Variants in ATXN7 observed in about 807,000 individuals in gnomAD.
The protein encoded by ATXN7 is ataxin-7.
ATXN7 carries 12 observed loss-of-function variants against 70.5 expected under a neutral mutation model. That is an observed-to-expected ratio of 0.17 (90% CI 0.11 to 0.28). The LOEUF is 0.28. ATXN7 is among the 10% of genes least tolerant of loss of function. ATXN7 has a pLI of 1.00. For synonymous variants in ATXN7, 498 were observed against 448.7 expected (o/e 1.11, Z -1.39); for missense variants, 1,256 against 1,131.7 (o/e 1.11, Z -1.58).
chr3:63,910,324 A>G (rs905619619), intron 2 of ATXN7, among the ~76,000 whole-genome samples: 2 of 152,222 alleles, frequency 1.3e-5, no homozygotes, highest in Non-Finnish European at 2.9e-5. Flanking sequence ...GTACTCAACA[A>G]GCAAGCTCCC....
At chr3:63,887,394 C>T (rs1006870794) in intron 1 of ATXN7, among the ~76,000 whole-genome samples, 11 of 152,156 alleles carry the variant, frequency 7.2e-5, no homozygotes, top group Non-Finnish European at 1.2e-4. Context: ...AGTGTAGAAA[C>T]TATTGCCATG....
At chr3:63,998,358 G>GTA (rs923539789) in intron 12 of ATXN7, 44 of 983,986 alleles carry the variant, frequency 4.5e-5, no homozygotes, top group South Asian at 1.4e-4. Flanking sequence ...ATGTGTGTGT[G>GTA]TATATATATA....
At chr3:63,918,275 C>G (rs148428867) in intron 4 of ATXN7, among the ~76,000 whole-genome samples, 48 of 151,784 alleles carry the variant, frequency 3.2e-4, no homozygotes, top group African/African-American at 1.1e-3. Flanking sequence ...TTTTTTCTTT[C>G]CTAGGGGAAA....
At chr3:63,925,593 T>G (rs1313882216) in intron 4 of ATXN7, among the ~76,000 whole-genome samples, 1 of 151,798 alleles carries the variant, frequency 6.6e-6, no homozygotes, top group Non-Finnish European at 1.5e-5. Context: ...ACGAAACTGG[T>G]CTCTGGTGTC....
chr3:63,982,470 T>G, intron 7 of ATXN7, 25 bp downstream of exon 7: 1 of 1,550,180 alleles, frequency 6.5e-7, no homozygotes, highest in Non-Finnish European at 8.8e-7. Context: ...TCTTTCTTCA[T>G]AATGCTTCTC....
intron 4 of ATXN7, among the ~76,000 whole-genome samples, chr3:63,916,323 C>T (rs2107307343): frequency 6.6e-6 from 1 of 152,262 alleles, no homozygotes; most frequent in South Asian, 2.1e-4. Context: ...GAAAAGGCTT[C>T]AGGGGATTGT....
intron 8 of ATXN7, among the ~76,000 whole-genome samples, 184 bp downstream of exon 8, chr3:63,983,205 C>T (rs926033095): frequency 1.3e-5 from 2 of 152,116 alleles, no homozygotes; most frequent in African/African-American, 4.8e-5. Context: ...ATGTGAAGTG[C>T]GTTGTTATAA....
chr3:63,907,186 G>A (rs1342734277), intron 2 of ATXN7, among the ~76,000 whole-genome samples: 3 of 152,170 alleles, frequency 2.0e-5, no homozygotes, highest in Non-Finnish European at 4.4e-5. Context: ...TATGCACAGA[G>A]AGGCTAAGTG....
At chr3:63,936,158 G>A (rs912122141) in intron 4 of ATXN7, among the ~76,000 whole-genome samples, 5 of 152,156 alleles carry the variant, frequency 3.3e-5, no homozygotes, top group African/African-American at 7.2e-5. Flanking sequence ...ATTGTGGAAC[G>A]TTAGTCGCTT....
chr3:63,894,922 C>CAG (rs1352725436), intron 1 of ATXN7, among the ~76,000 whole-genome samples: 3 of 152,096 alleles, frequency 2.0e-5, no homozygotes, highest in African/African-American at 7.2e-5. Context: ...AGTCAGCCTT[C>CAG]AAGGTTTCAG....
chr3:63,993,009 A>G (rs1576001113), intron 11 of ATXN7, among the ~76,000 whole-genome samples: 1 of 152,308 alleles, frequency 6.6e-6, no homozygotes, highest in Middle Eastern at 3.4e-3. Flanking sequence ...GCTCAGCCCA[A>G]AATCCTTCCT....
chr3:63,934,258 G>A lies in ATXN7; in HGVS notation c.395-18121G>A, dbSNP rs182464291. ...CCTACTCATTCCTGCCTACTCGGAG[G>A]CTATGATAGAGTCTGGCCTCTTTGG... is the stretch of plus-strand genomic sequence containing the variant. On this transcript the variant is annotated intron_variant, in intron 4 of 12. Coordinates refer to ENST00000674280, the MANE Select transcript of ATXN7 (RefSeq NM_001377405.1). 5.3e-5 allele frequency among the ~76,000 whole-genome samples: 8 copies of A among 152,266 alleles called. No homozygotes were observed. The East Asian group carries it at 9.6e-4, about 18-fold the overall frequency.
chr3:63,934,552 T>C (rs945634067), intron 4 of ATXN7, among the ~76,000 whole-genome samples: 4 of 152,144 alleles, frequency 2.6e-5, no homozygotes, highest in African/African-American at 7.2e-5. Context: ...AGAGAGTGAA[T>C]TGAGGAGTAT....
In ATXN7 at chr3:63,928,454, A is replaced by T. The variant is rs115250169; in HGVS notation, c.394+15229A>T. 9.3e-3 allele frequency among the ~76,000 whole-genome samples: 1,420 copies of T among 152,264 alleles called. 16 individuals carry two copies. Among genetic ancestry groups the T allele is most frequent in the African/African-American group, 0.031 (1,275 of 41,534 alleles). ...ATTTTTGAAAAGTAATTGATAACTT[A>T]AAAAATTAAGCATCTTAGACAATAC... On this transcript the variant is annotated intron_variant, in intron 4 of 12. Transcript: ENST00000674280.
At chr3:63,875,492 C>T (rs894540738) in intron 1 of ATXN7, among the ~76,000 whole-genome samples, 29 of 152,166 alleles carry the variant, frequency 1.9e-4, no homozygotes, top group Admixed American at 1.4e-3. Context: ...GTAGCTGCTG[C>T]TGTTTATTCT....
At chr3:63,973,301 G>A (rs1382858967) in intron 5 of ATXN7, among the ~76,000 whole-genome samples, 1 of 152,086 alleles carries the variant, frequency 6.6e-6, no homozygotes, top group Non-Finnish European at 1.5e-5. Flanking sequence ...GCCTCTGCTG[G>A]GAAGGTGACC....
chr3:63,893,642 G>T (rs114447806), intron 1 of ATXN7, among the ~76,000 whole-genome samples: 1 of 152,274 alleles, frequency 6.6e-6, no homozygotes, highest in Non-Finnish European at 1.5e-5. Context: ...TGACTGCAGT[G>T]GCTGAAATGT....
At position 63,864,072 on chromosome 3, in the gene ATXN7, C is replaced by G. The variant is rs922721672; in HGVS notation, c.-197C>G. 2.7e-5 allele frequency among the ~76,000 whole-genome samples: 4 copies of G among 145,752 alleles called. No homozygotes were observed. Among genetic ancestry groups the G allele is most frequent in the Non-Finnish European group, 6.1e-5 (4 of 65,576 alleles). On this transcript the variant is annotated 5_prime_UTR_variant, in exon 1 of 13. Transcript: ENST00000674280. The stretch of plus-strand genomic sequence containing the variant: ...GCTTGGCGGCCGGCGGCGGCCCCGG[C>G]TGCAGCCCGGGCTCCCGCCGCCCCC...
intron 2 of ATXN7, among the ~76,000 whole-genome samples, chr3:63,902,929 T>G (rs1022840739): frequency 6.6e-6 from 1 of 152,174 alleles, no homozygotes; most frequent in Admixed American, 6.5e-5. Context: ...ATCTAAACAT[T>G]ATATAAATAT....
Sources: allele counts gnomAD v4.1 joint callset (sites outside exome capture counted in the v4.1 genomes callset), GRCh38; gene constraint gnomAD v4.1.1; transcripts MANE v1.5; gene names NCBI Gene and HGNC (gene_info 2026-07-23, HGNC 2026-07-21).